Variants in POGLUT1 observed in about 807,000 individuals in gnomAD.
The protein encoded by POGLUT1 is 9630046K23Rik.
In POGLUT1, 32 loss-of-function variants were observed where a neutral mutation model predicts 61.3. The observed-to-expected ratio is 0.52, with a 90% CI of 0.39 to 0.70. The LOEUF (loss-of-function observed/expected upper bound fraction) is 0.70. Ranked by LOEUF, POGLUT1 falls within the 30% of genes least tolerant of loss-of-function variation. The pLI is 0.00. For synonymous variants in POGLUT1, 158 were observed against 158.2 expected, an observed-to-expected ratio of 1.00 and a Z score of 0.01; for missense variants, 411 against 469.8, an observed-to-expected ratio of 0.87 and a Z score of 1.16.
At chr3:119,478,233 T>C in intron 4 of POGLUT1, 2 of 407,890 alleles carry the variant, frequency 4.9e-6, no homozygotes, top group Non-Finnish European at 9.7e-6. Flanking sequence ...GAAAACCCCA[T>C]GAAATTTGGG....
intron 8 of POGLUT1, chr3:119,489,197 A>G (rs1198960100): frequency 4.9e-6 from 2 of 406,140 alleles, no homozygotes; most frequent in African/African-American, 2.0e-5. Context: ...CTGCTTCCAA[A>G]CAGCTGCATG....
At chr3:119,490,385 T>C (rs535524222) in intron 8 of POGLUT1, 166 bp from the exon 9 acceptor site, 1 of 643,068 alleles carries the variant, frequency 1.6e-6, no homozygotes, top group South Asian at 2.0e-5. Flanking sequence ...AAGTGGCTGA[T>C]AGAAACCACT....
chr3:119,486,702 T>G, intron 6 of POGLUT1, 131 bp from the exon 7 acceptor site: 1 of 724,362 alleles, frequency 1.4e-6, no homozygotes, highest in Admixed American at 1.9e-5. Flanking sequence ...TCCTCCGCTG[T>G]CACGTCACCA....
chr3:119,489,158 C>A, intron 8 of POGLUT1, 171 bp downstream of exon 8: 1 of 449,150 alleles, frequency 2.2e-6, no homozygotes, highest in South Asian at 4.7e-5. Flanking sequence ...AGTTCTGTGG[C>A]GACTGTAGAG....
Position 119,469,875 on chromosome 3 carries a change from A to G in POGLUT1, c.141A>G (p.Glu47=). Reference sequence around the variant, plus strand: ...TTAACAGGTCTTTGGAGAATTACGAACCATGTTCAAGTCAAAACTGCAGCT... The same window carrying G: ...TTAACAGGTCTTTGGAGAATTACGAGCCATGTTCAAGTCAAAACTGCAGCT... ...DQINRSLENY[E]PCSSQNCSCY... The change falls in exon 2 of 11, where the codon GAA becomes GAG. Residue 47 remains glutamate (E), a synonymous_variant. Coordinates refer to ENST00000295588, the MANE Select transcript of POGLUT1 (RefSeq NM_152305.3). 6.2e-7 allele frequency: 1 copy of G among 1,609,028 alleles called. No homozygotes were observed. The highest frequency in any genetic ancestry group is 8.5e-7 in the Non-Finnish European group (1 of 1,175,362).
At chr3:119,486,727 T>G (rs2081668572) in intron 6 of POGLUT1, 106 bp from the exon 7 acceptor site, 1 of 784,272 alleles carries the variant, frequency 1.3e-6, no homozygotes, top group Non-Finnish European at 2.2e-6. Flanking sequence ...ATTGTCCACT[T>G]GTGCAGAGTC....
At chr3:119,488,066 G>A (rs1560038582) in intron 7 of POGLUT1, 1 of 152,188 alleles carries the variant, frequency 6.6e-6, no homozygotes, top group East Asian at 1.9e-4. Context: ...ATGCTATGAG[G>A]AAAAGCTTTA....
chr3:119,486,994 C>A, intron 7 of POGLUT1, 62 bp downstream of exon 7: 1 of 1,060,676 alleles, frequency 9.4e-7, no homozygotes, highest in Non-Finnish European at 1.5e-6. Flanking sequence ...AGAACATTGC[C>A]ACCTGGGTAG....
chr3:119,474,673 T>TA (rs1274531619), intron 3 of POGLUT1, among the ~76,000 whole-genome samples: 1 of 152,114 alleles, frequency 6.6e-6, no homozygotes, highest in Admixed American at 6.5e-5. Context: ...CCGACTCTAC[T>TA]AAAAATACAA....
chr3:119,483,369 G>A (rs1004026944), intron 5 of POGLUT1, among the ~76,000 whole-genome samples: 2 of 152,138 alleles, frequency 1.3e-5, no homozygotes, highest in Admixed American at 6.5e-5. Context: ...ATGGAATATC[G>A]TGCATGAATG....
chr3:119,479,339 C>T (rs2081580178), intron 4 of POGLUT1, among the ~76,000 whole-genome samples: 1 of 152,172 alleles, frequency 6.6e-6, no homozygotes, highest in South Asian at 2.1e-4. Flanking sequence ...TCAATGTGAG[C>T]CCAACAGTGC....
At chr3:119,486,688 C>A (rs1463391600) in intron 6 of POGLUT1, 145 bp from the exon 7 acceptor site, 7 of 701,924 alleles carry the variant, frequency 1.0e-5, no homozygotes, top group Non-Finnish European at 1.8e-5. Flanking sequence ...ACCCAGTATA[C>A]CCCTCCTCCG....
chr3:119,471,695 C>G (rs1017418543), intron 3 of POGLUT1: 2 of 468,652 alleles, frequency 4.3e-6, no homozygotes, highest in East Asian at 8.5e-5. Context: ...TCTGCCTCTT[C>G]TGCTCCTTCC....
chr3:119,487,214 G>T (rs1037382079), intron 7 of POGLUT1, among the ~76,000 whole-genome samples: 1 of 152,230 alleles, frequency 6.6e-6, no homozygotes, highest in African/African-American at 2.4e-5. Context: ...TGTAGGTTTT[G>T]CAGGTCGTAT....
intron 5 of POGLUT1, among the ~76,000 whole-genome samples, chr3:119,482,954 T>C (rs1025073971): frequency 6.6e-6 from 1 of 152,136 alleles, no homozygotes; most frequent in Non-Finnish European, 1.5e-5. Flanking sequence ...CCTAGGTCTT[T>C]TGAGGGAGGA....
intron 2 of POGLUT1, among the ~76,000 whole-genome samples, chr3:119,470,421 C>T (rs139781924): frequency 3.5e-3 from 538 of 152,186 alleles, no homozygotes; most frequent in Non-Finnish European, 5.4e-3. Flanking sequence ...ACTAAAAATA[C>T]AAAAATTAGC....
chr3:119,494,094 C>T lies in POGLUT1; in HGVS notation c.*1656C>T, dbSNP rs370472980. The T allele has an allele frequency of 3.7e-4, 56 of 152,326 alleles. No individual in the cohort carries two copies. The highest frequency in any genetic ancestry group is 1.3e-3 in the African/African-American group (53 of 41,576). 9.4% of individuals were successfully genotyped at this position (152,326 alleles called of 1,614,324 possible). On this transcript the variant is annotated 3_prime_UTR_variant, in exon 11 of 11. Coordinates refer to ENST00000295588, the MANE Select transcript of POGLUT1 (RefSeq NM_152305.3). Reference sequence around the variant, plus strand: ...AGCTCAAACATCACCTTCTTTCTGACTCCTTTCATTCATTCCTCCAGGCAG... The same window carrying T: ...AGCTCAAACATCACCTTCTTTCTGATTCCTTTCATTCATTCCTCCAGGCAG...
At chr3:119,490,829 T>A in intron 9 of POGLUT1, 111 bp downstream of exon 9, 1 of 915,546 alleles carries the variant, frequency 1.1e-6, no homozygotes, top group Non-Finnish European at 1.6e-6. Flanking sequence ...CTACGATTTT[T>A]TTCCATTGAA....
intron 7 of POGLUT1, among the ~76,000 whole-genome samples, chr3:119,487,774 G>A (rs1277977329): frequency 3.3e-5 from 5 of 151,926 alleles, no homozygotes; most frequent in African/African-American, 1.2e-4. Context: ...CCTGTGGGTC[G>A]TAGTTTGCCA....
Sources: gnomAD v4.1 joint callset for allele counts (sites outside exome capture counted in the v4.1 genomes callset) on GRCh38, gnomAD v4.1.1 for gene constraint, MANE v1.5 for transcripts, NCBI Gene and HGNC (gene_info 2026-07-23, HGNC 2026-07-21) for gene names.